The following ST6GAL1 variants were observed in gnomAD, a reference collection of about 807,000 sequenced individuals.
ST6GAL1 encodes the protein ST6 beta-galactoside alpha-2,6-sialyltransferase 1, also known as beta-galactoside alpha-2,6-sialyltransferase 1.
ST6GAL1 carries 20 observed loss-of-function variants against 38.0 expected under a neutral mutation model. The observed-to-expected ratio is 0.53, with a 90% confidence interval of 0.37 to 0.77. ST6GAL1 has a LOEUF of 0.77. Ranked by LOEUF, ST6GAL1 falls within the 30% of genes least tolerant of loss-of-function variation. The pLI is 0.00. For synonymous variants in ST6GAL1, 196 were observed against 188.2 expected (o/e 1.04, Z -0.34); for missense variants, 432 against 496.4 (o/e 0.87, Z 1.23).
intron 2 of ST6GAL1, among the ~76,000 whole-genome samples, chr3:186,967,279 CCTCCTGGGTTCAAGCGAGT>C (rs1253360493): frequency 6.6e-6 from 1 of 152,172 alleles, no homozygotes; most frequent in Non-Finnish European, 1.5e-5. Context: ...GCAACCTCCG[CCTCCTGGGTTCAAGCGAGT>C]CTCCTACTTC....
At chr3:187,004,179 C>T (rs796506081) in intron 2 of ST6GAL1, among the ~76,000 whole-genome samples, 1 of 152,218 alleles carries the variant, frequency 6.6e-6, no homozygotes, top group Non-Finnish European at 1.5e-5. Context: ...CACCTTCCAC[C>T]ATAACTAAAA....
At chr3:187,058,193 C>T (rs780686518) in intron 5 of ST6GAL1, among the ~76,000 whole-genome samples, 3 of 152,122 alleles carry the variant, frequency 2.0e-5, no homozygotes, top group East Asian at 1.9e-4. Context: ...TTTCAGGTAC[C>T]GTCTGTCACG....
chr3:187,073,185 A>G (rs1719445078), intron 6 of ST6GAL1, among the ~76,000 whole-genome samples: 1 of 152,180 alleles, frequency 6.6e-6, no homozygotes, highest in Non-Finnish European at 1.5e-5. Context: ...TATAGTATTT[A>G]CTGGGATAGT....
At chr3:187,067,591 G>A (rs1719211831) in intron 5 of ST6GAL1, among the ~76,000 whole-genome samples, 1 of 151,916 alleles carries the variant, frequency 6.6e-6, no homozygotes, top group Admixed American at 6.6e-5. Context: ...ATCTTCACCT[G>A]TTTCTATTTT....
intron 1 of ST6GAL1, among the ~76,000 whole-genome samples, chr3:186,939,828 A>G (rs932684890): frequency 1.3e-5 from 2 of 151,974 alleles, no homozygotes; most frequent in Non-Finnish European, 2.9e-5. Context: ...CCCCTCTGTT[A>G]GTTAGCCCCT....
chr3:186,951,176 C>T (rs886104703), intron 1 of ST6GAL1, among the ~76,000 whole-genome samples: 6 of 152,134 alleles, frequency 3.9e-5, no homozygotes, highest in Non-Finnish European at 8.8e-5. Flanking sequence ...TGGGTTCAAG[C>T]GATTCTCCTG....
At chr3:186,998,879 A>C (rs1045515652) in intron 2 of ST6GAL1, among the ~76,000 whole-genome samples, 7 of 152,220 alleles carry the variant, frequency 4.6e-5, no homozygotes, top group African/African-American at 1.7e-4. Flanking sequence ...TATTTCATAT[A>C]GTTCAATAAT....
intron 2 of ST6GAL1, among the ~76,000 whole-genome samples, chr3:186,994,231 A>C (rs906757464): frequency 6.6e-6 from 1 of 152,240 alleles, no homozygotes; most frequent in African/African-American, 2.4e-5. Context: ...TGATCAGCTG[A>C]AAGCCCACAA....
At position 187,078,189 on chromosome 3, in the gene ST6GAL1, C is replaced by A. The variant is rs1719625866; in HGVS notation, c.*2386C>A. ...TTTAATTATTATTAATATAAAGGAT[C>A]AAATTAATTTAAATATGATTCTGAA... On this transcript the variant is annotated 3_prime_UTR_variant, in exon 8 of 8. Coordinates refer to ENST00000169298, the MANE Select transcript of ST6GAL1 (RefSeq NM_173216.2). The A allele has an allele frequency of 6.6e-6, 1 of 152,482 alleles. No homozygotes were observed. The highest frequency in any genetic ancestry group is 2.4e-5 in the African/African-American group (1 of 41,406). The allele number at this position is 152,482 out of a possible 1,614,324, so 9.4% of individuals were successfully genotyped here. A position where few individuals can be genotyped will look rare whatever the true frequency, so the allele number is the denominator to read the frequency against.
In ST6GAL1 at chr3:187,000,072, C is replaced by T. The variant is rs1307183516; in HGVS notation, c.-183+36146C>T. Reference sequence around the variant, plus strand: ...GAACCTCTGGCCTCCAGCATTCTTCCTGCCTTGGCCTCTCAAAGTGATGGG... The same window carrying T: ...GAACCTCTGGCCTCCAGCATTCTTCTTGCCTTGGCCTCTCAAAGTGATGGG... On this transcript the variant is annotated intron_variant, in intron 2 of 7. Coordinates refer to ENST00000169298, the MANE Select transcript of ST6GAL1 (RefSeq NM_173216.2). Among the ~76,000 whole-genome samples, 5 of 129,528 alleles carry T rather than the reference C, an allele frequency of 3.9e-5. No homozygotes were observed. The East Asian group carries it at 9.7e-4, about 25-fold the overall frequency. 85.0% of individuals were successfully genotyped at this position (129,528 alleles called of 152,430 possible).
At chr3:187,012,102 A>G (rs1317041334) in intron 2 of ST6GAL1, among the ~76,000 whole-genome samples, 2 of 152,094 alleles carry the variant, frequency 1.3e-5, no homozygotes, top group East Asian at 3.9e-4. Context: ...CCGGTCATCT[A>G]TGTTAGTCGT....
At chr3:187,018,209 A>C (rs1180040881) in intron 2 of ST6GAL1, among the ~76,000 whole-genome samples, 1 of 152,088 alleles carries the variant, frequency 6.6e-6, no homozygotes, top group African/African-American at 2.4e-5. Context: ...ATTTCTAAAC[A>C]CATGAAACCA....
At chr3:186,968,402 A>G (rs1715225184) in intron 2 of ST6GAL1, among the ~76,000 whole-genome samples, 1 of 152,194 alleles carries the variant, frequency 6.6e-6, no homozygotes, top group Admixed American at 6.5e-5. Flanking sequence ...ACATACTTAA[A>G]TTGTACAACT....
At chr3:186,999,466 C>G (rs1316133118) in intron 2 of ST6GAL1, among the ~76,000 whole-genome samples, 1 of 148,342 alleles carries the variant, frequency 6.7e-6, no homozygotes, top group Non-Finnish European at 1.5e-5. Context: ...GACTGGAGTG[C>G]AGTGGCACGA....
intron 2 of ST6GAL1, chr3:187,025,578 A>C (rs781054095): frequency 3.3e-5 from 5 of 152,404 alleles, no homozygotes; most frequent in African/African-American, 2.4e-5. Flanking sequence ...GGCATTATAC[A>C]GAAAGGGAAT....
intron 6 of ST6GAL1, 148 bp from the exon 7 acceptor site, chr3:187,074,011 G>A (rs1719476726): frequency 1.5e-6 from 1 of 649,462 alleles, no homozygotes; most frequent in Admixed American, 3.7e-5. Flanking sequence ...AGAGAAACCT[G>A]TAGTCTGCTG....
At chr3:186,993,622 A>G (rs1716259967) in intron 2 of ST6GAL1, among the ~76,000 whole-genome samples, 1 of 151,616 alleles carries the variant, frequency 6.6e-6, no homozygotes, top group Non-Finnish European at 1.5e-5. Flanking sequence ...TAGAAAACTA[A>G]GAGGCCTAGG....
At chr3:186,988,892 C>T (rs570231188) in intron 2 of ST6GAL1, among the ~76,000 whole-genome samples, 6 of 151,870 alleles carry the variant, frequency 4.0e-5, no homozygotes, top group Non-Finnish European at 5.9e-5. Context: ...TCAGCCTGGG[C>T]GACAGAGCCA....
rs2108510299 is a variant in ST6GAL1 at position 186,930,590 on chromosome 3, C to A, written c.-569C>A. 6.5e-6 allele frequency: 1 copy of A among 152,690 alleles called. No individual in the cohort carries two copies. The highest frequency in any genetic ancestry group is 2.1e-4 in the South Asian group (1 of 4,836). 9.5% of individuals were successfully genotyped at this position (152,690 alleles called of 1,614,324 possible). On this transcript the variant is annotated 5_prime_UTR_variant, in exon 1 of 8. Transcript: ENST00000169298. ...TCTTCTGTCCCCCGTTCTTCCCCAG[C>A]GGACCCCTCTTTCGAGACTCCCTAG... is the stretch of plus-strand genomic sequence containing the variant.
Sources: allele counts gnomAD v4.1 joint callset (sites outside exome capture counted in the v4.1 genomes callset), GRCh38; gene constraint gnomAD v4.1.1; transcripts MANE v1.5; gene names NCBI Gene and HGNC (gene_info 2026-07-23, HGNC 2026-07-21).